TNS3: variants seen among roughly 807,000 people sequenced by gnomAD.
TNS3 encodes the protein tensin-3.
In TNS3, 45 loss-of-function variants were observed where a neutral mutation model predicts 140.9. That is an observed-to-expected ratio of 0.32 (90% CI 0.25 to 0.41). TNS3 has a LOEUF of 0.41. Ranked by LOEUF, TNS3 falls within the 10% of genes least tolerant of loss-of-function variation. The pLI, the probability that TNS3 is intolerant of heterozygous loss-of-function variation, is 1.00. For missense variants in TNS3, 1,716 were observed against 1,906.7 expected (o/e 0.90, Z 1.86); for synonymous variants, 815 against 788.4 (o/e 1.03, Z -0.56).
chr7:47,428,383 G>T lies in TNS3; in HGVS notation c.325-7C>A. On this transcript the variant is annotated splice_region_variant and splice_polypyrimidine_tract_variant and intron_variant, in intron 8 of 30. Coordinates refer to ENST00000311160, the MANE Select transcript of TNS3 (RefSeq NM_022748.12). ...CTATGCGTCCTTTCCCGCCCTGCAG[G>T]AGACAAAAGATCAGCTGATTTTCTC... is the stretch of plus-strand genomic sequence containing the variant. 1 of 1,412,436 alleles carries T rather than the reference G, an allele frequency of 7.1e-7. No homozygotes were observed. The highest frequency in any genetic ancestry group is 1.7e-5 in the South Asian group (1 of 57,360). 87.5% of individuals were successfully genotyped at this position (1,412,436 alleles called of 1,614,324 possible). A position where few individuals can be genotyped will look rare whatever the true frequency, so the allele number is the denominator to read the frequency against.
intron 17 of TNS3, among the ~76,000 whole-genome samples, chr7:47,367,353 T>G (rs1408408162): frequency 6.6e-6 from 1 of 152,200 alleles, no homozygotes; most frequent in Non-Finnish European, 1.5e-5. Flanking sequence ...TCTGGTCCCC[T>G]CAGCCTTCAT....
intron 4 of TNS3, among the ~76,000 whole-genome samples, chr7:47,455,991 C>G (rs1020207059): frequency 3.3e-5 from 5 of 152,302 alleles, no homozygotes; most frequent in Admixed American, 3.3e-4. Context: ...GGCTCAAGCC[C>G]GGGCTCAAGG....
chr7:47,465,292 GGAGACTT>G (rs1163115653), intron 4 of TNS3, among the ~76,000 whole-genome samples: 1 of 152,198 alleles, frequency 6.6e-6, no homozygotes, highest in Non-Finnish European at 1.5e-5. Flanking sequence ...ATGCCACACA[GGAGACTT>G]GTGGGAAAAG....
intron 20 of TNS3, among the ~76,000 whole-genome samples, chr7:47,313,637 G>A (rs1191867403): frequency 6.6e-6 from 1 of 152,144 alleles, no homozygotes; most frequent in Non-Finnish European, 1.5e-5. Context: ...AGCCACGGGG[G>A]CAATCCCTGG....
intron 17 of TNS3, among the ~76,000 whole-genome samples, chr7:47,354,360 C>A (rs1010470808): frequency 6.6e-6 from 1 of 151,978 alleles, no homozygotes; most frequent in Non-Finnish European, 1.5e-5. Context: ...CCACCCCCAG[C>A]TCCCCAACGT....
intron 16 of TNS3, among the ~76,000 whole-genome samples, chr7:47,379,070 G>A (rs1351094019): frequency 6.6e-6 from 1 of 152,206 alleles, no homozygotes. Flanking sequence ...ACTAGGCTGT[G>A]GCCCAGAGCA....
intron 13 of TNS3, among the ~76,000 whole-genome samples, chr7:47,402,323 G>C (rs78615712): frequency 5.3e-5 from 8 of 152,336 alleles, no homozygotes; most frequent in Non-Finnish European, 1.2e-4. Flanking sequence ...GCTGGCCAGC[G>C]GTGCTGTAAA....
intron 4 of TNS3, among the ~76,000 whole-genome samples, chr7:47,463,335 T>C (rs1584715240): frequency 6.6e-6 from 1 of 152,152 alleles, no homozygotes; most frequent in East Asian, 1.9e-4. Context: ...TCCCAGTTAC[T>C]CAGGAGGCTG....
At chr7:47,388,622 T>C (rs1406095109) in intron 16 of TNS3, among the ~76,000 whole-genome samples, 2 of 152,182 alleles carry the variant, frequency 1.3e-5, no homozygotes, top group Admixed American at 6.5e-5. Context: ...CCCAGCACTT[T>C]GGGAGGCCCA....
At chr7:47,460,658 T>C (rs1010245263) in intron 4 of TNS3, among the ~76,000 whole-genome samples, 3 of 152,212 alleles carry the variant, frequency 2.0e-5, no homozygotes, top group Non-Finnish European at 4.4e-5. Flanking sequence ...GCATAAGGTG[T>C]GGGGCCGGAA....
At chr7:47,493,304 C>T (rs980282374) in intron 3 of TNS3, among the ~76,000 whole-genome samples, 1 of 152,156 alleles carries the variant, frequency 6.6e-6, no homozygotes, top group Non-Finnish European at 1.5e-5. Context: ...TATCACACTT[C>T]GGGGCACTCG....
chr7:47,359,188 A>C (rs1379963585), intron 17 of TNS3, among the ~76,000 whole-genome samples: 6 of 152,210 alleles, frequency 3.9e-5, no homozygotes, highest in Non-Finnish European at 7.3e-5. Context: ...GCTCTATCCC[A>C]GCTGTGGAAT....
intron 1 of TNS3, among the ~76,000 whole-genome samples, chr7:47,549,851 A>G (rs1204722775): frequency 1.3e-5 from 2 of 152,232 alleles, no homozygotes; most frequent in Non-Finnish European, 2.9e-5. Flanking sequence ...CCTGGCACAC[A>G]GACCACCTAC....
rs1340121556 is a variant in TNS3 at position 47,442,051 on chromosome 7, G to A, written c.-71C>T. On this transcript the variant is annotated 5_prime_UTR_variant, in exon 5 of 31. Transcript: ENST00000311160. Reference sequence around the variant, plus strand: ...AGAACTGGACAGCGTGGAACTCCCTGGAGCCTGCAAATAACAAAACAAGGG... The same window carrying A: ...AGAACTGGACAGCGTGGAACTCCCTAGAGCCTGCAAATAACAAAACAAGGG... The A allele has an allele frequency of 2.4e-6, 3 of 1,274,744 alleles. No homozygotes were observed. Among genetic ancestry groups the A allele is most frequent in the South Asian group, 2.6e-5 (2 of 77,680 alleles). 79.0% of individuals were successfully genotyped at this position (1,274,744 alleles called of 1,614,324 possible).
chr7:47,563,086 G>C (rs893069824), intron 1 of TNS3, among the ~76,000 whole-genome samples: 1 of 152,164 alleles, frequency 6.6e-6, no homozygotes, highest in Non-Finnish European at 1.5e-5. Context: ...AAAACTCCCT[G>C]GGCATCCCCG....
chr7:47,564,667 A>AAAAAAAT (rs1800392515), intron 1 of TNS3, among the ~76,000 whole-genome samples: 1 of 149,674 alleles, frequency 6.7e-6, no homozygotes, highest in Non-Finnish European at 1.5e-5. Flanking sequence ...AAACAAAAAA[A>AAAAAAAT]GACTGCAACC....
intron 4 of TNS3, among the ~76,000 whole-genome samples, chr7:47,465,701 G>A (rs1796682305): frequency 6.6e-6 from 1 of 152,048 alleles, no homozygotes; most frequent in Non-Finnish European, 1.5e-5. Flanking sequence ...GAGGTGGGAG[G>A]ATCACCTGAG....
chr7:47,401,098 G>T (rs1332766104), intron 13 of TNS3, among the ~76,000 whole-genome samples, 184 bp from the exon 14 acceptor site: 1 of 152,212 alleles, frequency 6.6e-6, no homozygotes, highest in Non-Finnish European at 1.5e-5. Context: ...TGGGGTGCAG[G>T]CAGAGGCACC....
intron 4 of TNS3, among the ~76,000 whole-genome samples, chr7:47,477,520 G>T (rs1368451634): frequency 1.3e-5 from 2 of 152,146 alleles, no homozygotes; most frequent in Non-Finnish European, 2.9e-5. Context: ...CTTAGTGTCT[G>T]GGTGATGTGG....
Sources: gnomAD v4.1 joint callset for allele counts (sites outside exome capture counted in the v4.1 genomes callset) on GRCh38, gnomAD v4.1.1 for gene constraint, MANE v1.5 for transcripts, NCBI Gene and HGNC (gene_info 2026-07-23, HGNC 2026-07-21) for gene names.